The following AGAP1 variants were observed in gnomAD, a reference collection of about 807,000 sequenced individuals.
AGAP1 encodes the protein ArfGAP with GTPase domain, ankyrin repeat and PH domain 1, also known as arf-GAP with GTPase, ANK repeat and PH domain-containing protein 1.
Under a neutral mutation model 105.3 loss-of-function variants are expected in AGAP1, and 29 were observed. That is an observed-to-expected ratio of 0.28 (90% CI 0.21 to 0.38). The LOEUF is 0.38. Ranked by LOEUF, AGAP1 falls within the 10% of genes least tolerant of loss-of-function variation. The pLI, the probability that AGAP1 is intolerant of heterozygous loss-of-function variation, is 1.00. For synonymous variants in AGAP1, 509 were observed against 485.9 expected (o/e 1.05, Z -0.63); for missense variants, 998 against 1,165.1 (o/e 0.86, Z 2.09).
At chr2:235,672,375 T>TA (rs1278041990) in intron 1 of AGAP1, among the ~76,000 whole-genome samples, 1 of 152,246 alleles carries the variant, frequency 6.6e-6, no homozygotes, top group African/African-American at 2.4e-5. Context: ...GCATGTGCGG[T>TA]AATGTTAAAA....
intron 10 of AGAP1, among the ~76,000 whole-genome samples, chr2:235,907,881 G>A (rs115307907): frequency 0.012 from 1,846 of 151,894 alleles, 15 homozygotes; most frequent in Non-Finnish European, 0.017. Flanking sequence ...CTTTCTTAAC[G>A]TGTGATATCA....
rs2056104599 is a variant in AGAP1 at position 236,001,167 on chromosome 2, G to A, written c.1645+32544G>A. Among the ~76,000 whole-genome samples, 1 of 152,184 alleles carries A rather than the reference G, an allele frequency of 6.6e-6. No homozygotes were observed. The highest frequency in any genetic ancestry group is 6.5e-5 in the Admixed American group (1 of 15,288). ...CTCTGGCGGTGGCTGGGGCAGCGCG[G>A]CTGTGGGGCAGAGAATGCTGAGATA... is the stretch of plus-strand genomic sequence containing the variant. On this transcript the variant is annotated intron_variant, in intron 13 of 17. Coordinates refer to ENST00000304032, the MANE Select transcript of AGAP1 (RefSeq NM_001037131.3). This position sits in a 1 kb window ranked among gnomAD's most constrained non-coding sequence, Gnocchi z 4.7.
intron 1 of AGAP1, among the ~76,000 whole-genome samples, chr2:235,641,425 C>T (rs1229464499): frequency 6.0e-5 from 9 of 150,958 alleles, no homozygotes; most frequent in African/African-American, 2.2e-4. Context: ...CTCTCCTCTC[C>T]CCGACCCGAT....
intron 1 of AGAP1, among the ~76,000 whole-genome samples, chr2:235,683,765 G>A (rs1000087875): frequency 1.3e-5 from 2 of 151,520 alleles, no homozygotes; most frequent in Non-Finnish European, 2.9e-5. Flanking sequence ...TTGTTACATA[G>A]GTATACATGT....
intron 1 of AGAP1, chr2:235,670,117 C>T (rs1158345151): frequency 7.2e-6 from 4 of 556,120 alleles, no homozygotes; most frequent in Non-Finnish European, 1.3e-5. Flanking sequence ...TGTTGGACGG[C>T]AGTGGCGAGC....
chr2:235,687,473 G>A (rs376622313), intron 1 of AGAP1, among the ~76,000 whole-genome samples: 2 of 152,176 alleles, frequency 1.3e-5, no homozygotes, highest in South Asian at 2.1e-4. Context: ...GTGACAGTCC[G>A]ATATGTGTAA....
Position 235,533,917 on chromosome 2 carries a change from T to C in AGAP1, c.163+39068T>C, listed in dbSNP as rs530164570. ...ACAAGCGCTTGCTGCTTAAACCATG[T>C]TGATTGTGGCTTAACTGCTGAACCA... is the stretch of plus-strand genomic sequence containing the variant. On this transcript the variant is annotated intron_variant, in intron 1 of 17. Transcript: ENST00000304032. Among the ~76,000 whole-genome samples, 7 of 152,358 alleles carry C rather than the reference T, an allele frequency of 4.6e-5. 1 individual carries two copies. In the South Asian group the frequency reaches 1.4e-3, roughly 32 times the overall value.
intron 1 of AGAP1, chr2:235,670,975 A>G (rs1317378281): frequency 7.6e-7 from 1 of 1,318,292 alleles, no homozygotes; most frequent in Non-Finnish European, 9.6e-7. Flanking sequence ...CCTCGCGGCC[A>G]CGCGGCTACT....
At chr2:235,583,772 G>A (rs1025004172) in intron 1 of AGAP1, among the ~76,000 whole-genome samples, 3 of 151,680 alleles carry the variant, frequency 2.0e-5, no homozygotes, top group African/African-American at 7.3e-5. Flanking sequence ...AGCTACTCGG[G>A]AGGCTGAGGC....
At chr2:236,118,089 A>G (rs1437182859) in intron 16 of AGAP1, among the ~76,000 whole-genome samples, 1 of 152,202 alleles carries the variant, frequency 6.6e-6, no homozygotes, top group Non-Finnish European at 1.5e-5. Context: ...TTAAAAACAG[A>G]TTAGGGCTAA....
Position 236,104,933 on chromosome 2 carries a change from C to T in AGAP1, c.2115-15259C>T, listed in dbSNP as rs1388362432. Among the ~76,000 whole-genome samples, 1 of 152,132 alleles carries T rather than the reference C, an allele frequency of 6.6e-6. No homozygotes were observed. The highest frequency in any genetic ancestry group is 2.4e-5 in the African/African-American group (1 of 41,420). On this transcript the variant is annotated intron_variant, in intron 16 of 17. Transcript: ENST00000304032. The surrounding 1 kb of genome is among the most constrained non-coding windows in gnomAD (Gnocchi z 4.7). ...AAAAAAGGACTAGCGTGCACAGAGCCCTCGAGGTACCAGAGCAGAGCTGTG... is the reference window on the plus strand; with the variant it reads ...AAAAAAGGACTAGCGTGCACAGAGCTCTCGAGGTACCAGAGCAGAGCTGTG...
rs35361765 is a variant in AGAP1, at chr2:236,014,717, C to CT, written c.1646-21835dup. The CT allele has an allele frequency of 0.4, 143,925 of 356,984 alleles. 28,500 individuals carry two copies. Among genetic ancestry groups the CT allele is most frequent in the African/African-American group, 0.57 (25,337 of 44,760 alleles). The allele number at this position is 356,984 out of a possible 1,614,324, so 22.1% of individuals were successfully genotyped here. A position where few individuals can be genotyped will look rare whatever the true frequency, so the allele number is the denominator to read the frequency against. On this transcript the variant is annotated intron_variant, in intron 13 of 17. Transcript: ENST00000304032. This position sits in a 1 kb window ranked among gnomAD's most constrained non-coding sequence, Gnocchi z 6.3. ...AGGCAACGTCACGTGCTACTTTGAC[C>CT]TTTTTTTTTCTCCCCTTTTCATTTG...
intron 8 of AGAP1, 79 bp from the exon 9 acceptor site, chr2:235,807,160 G>A: frequency 7.0e-7 from 1 of 1,424,764 alleles, no homozygotes; most frequent in Middle Eastern, 1.8e-4. Flanking sequence ...GTATTGGCAG[G>A]AATTCTGCAA....
intron 13 of AGAP1, among the ~76,000 whole-genome samples, chr2:236,010,702 C>T (rs1376188502): frequency 6.6e-6 from 1 of 152,208 alleles, no homozygotes; most frequent in Non-Finnish European, 1.5e-5. Flanking sequence ...AGTTTGCTAA[C>T]GCCTTCGGTG....
At chr2:235,766,988 A>G (rs886349018) in intron 6 of AGAP1, among the ~76,000 whole-genome samples, 3 of 144,420 alleles carry the variant, frequency 2.1e-5, no homozygotes, top group African/African-American at 7.8e-5. Context: ...ATCTTGGCTC[A>G]CTGCAACCTC....
chr2:236,029,330 C>T (rs2057152835), intron 13 of AGAP1, among the ~76,000 whole-genome samples: 1 of 151,322 alleles, frequency 6.6e-6, no homozygotes, highest in Non-Finnish European at 1.5e-5. Flanking sequence ...GGCTGGAGTG[C>T]AGTGGCGTGA....
intron 6 of AGAP1, among the ~76,000 whole-genome samples, chr2:235,790,466 C>G (rs1956906921): frequency 6.6e-6 from 1 of 152,278 alleles, no homozygotes; most frequent in African/African-American, 2.4e-5. Context: ...CTCCGCTCCC[C>G]ACACCCCTGC....
At chr2:235,868,147 CTATTAACAA>C (rs146029319) in intron 9 of AGAP1, among the ~76,000 whole-genome samples, 6,681 of 150,946 alleles carry the variant, frequency 0.044, 201 homozygotes, top group Middle Eastern at 0.11. Context: ...ACTAAATGAG[CTATTAACAA>C]TATTCACTGT....
chr2:235,734,538 A>C lies in AGAP1; in HGVS notation c.311-6425A>C, dbSNP rs921508803. Among the ~76,000 whole-genome samples the C allele has an allele frequency of 6.6e-6, 1 of 151,756 alleles. No individual in the cohort carries two copies. Among genetic ancestry groups the C allele is most frequent in the East Asian group, 1.9e-4 (1 of 5,186 alleles). ...TTAGCTCAGGCATGAAAAAAAAAAA[A>C]AGAATAGTAAAAATTAAAAACCCTT... On this transcript the variant is annotated intron_variant, in intron 3 of 17. Coordinates refer to ENST00000304032, the MANE Select transcript of AGAP1 (RefSeq NM_001037131.3). The surrounding 1 kb of genome is among the most constrained non-coding windows in gnomAD (Gnocchi z 5.3).
Sources: allele counts gnomAD v4.1 joint callset (sites outside exome capture counted in the v4.1 genomes callset), GRCh38; gene constraint gnomAD v4.1.1; non-coding constraint Gnocchi (gnomAD v3.1); transcripts MANE v1.5; gene names NCBI Gene and HGNC (gene_info 2026-07-23, HGNC 2026-07-21).